CPSF1: variants seen among roughly 807,000 people sequenced by gnomAD.
CPSF1 encodes the protein cleavage and polyadenylation specificity factor subunit 1.
In CPSF1, 106 loss-of-function variants were observed where a neutral mutation model predicts 175.8. The ratio of observed to expected loss-of-function variants is 0.60; its 90% CI spans 0.52 to 0.71. The LOEUF is 0.71. CPSF1 is among the 30% of genes least tolerant of loss of function. The pLI, the probability that CPSF1 is intolerant of heterozygous loss-of-function variation, is 0.00. For missense variants in CPSF1, 1,734 were observed against 2,022.9 expected, an observed-to-expected ratio of 0.86 and a Z score of 2.74; for synonymous variants, 1,024 against 858.3, an observed-to-expected ratio of 1.19 and a Z score of -3.37.
intron 2 of CPSF1, among the ~76,000 whole-genome samples, chr8:144,402,517 C>A (rs2116891812): frequency 6.6e-6 from 1 of 152,144 alleles, no homozygotes; most frequent in East Asian, 1.9e-4. Flanking sequence ...GTTGGCCAGG[C>A]TGGTCTCGAA....
rs1821076401 is a variant in CPSF1 at position 144,400,100 on chromosome 8, G to A, written c.938-15C>T. ...CTCCTGGGTGCCTGTGGGGTGGGTG[G>A]TCAGGCCGACTAGGCAGGCCCAAGC... On this transcript the variant is annotated splice_polypyrimidine_tract_variant and intron_variant, in intron 9 of 37. Transcript: ENST00000616140. 6.2e-7 allele frequency: 1 copy of A among 1,603,894 alleles called. No homozygotes were observed. The highest frequency in any genetic ancestry group is 8.5e-7 in the Non-Finnish European group (1 of 1,177,284).
rs1820425416 is a variant in CPSF1 at position 144,393,266 on chromosome 8, A to G, written c.*52T>C. On this transcript the variant is annotated 3_prime_UTR_variant, in exon 38 of 38. Coordinates refer to ENST00000616140, the MANE Select transcript of CPSF1 (RefSeq NM_013291.3). ...AATGTTTTTCCTTGTGTTTTGTACA[A>G]AAAGGGGGTGGGAGGTAGTTCCGTG... is the stretch of plus-strand genomic sequence containing the variant. 2 of 1,453,372 alleles carry G rather than the reference A, an allele frequency of 1.4e-6. No individual in the cohort carries two copies. Among genetic ancestry groups the G allele is most frequent in the Non-Finnish European group, 1.8e-6 (2 of 1,093,446 alleles). 90.0% of individuals were successfully genotyped at this position (1,453,372 alleles called of 1,614,324 possible). A position where few individuals can be genotyped will look rare whatever the true frequency, so the allele number is the denominator to read the frequency against.
At position 144,396,393 on chromosome 8, in the gene CPSF1, G is replaced by A; in HGVS notation, c.2934C>T (p.Phe978=). 1 of 1,590,284 alleles carries A rather than the reference G, an allele frequency of 6.3e-7. No homozygotes were observed. The highest frequency in any genetic ancestry group is 8.5e-7 in the Non-Finnish European group (1 of 1,171,000). Reference sequence around the variant, plus strand: ...AGCCGCGGGGACAGTTGACATTGTGGAATGGAGCGAAAGAGTCGACCGGGC... The same window carrying A: ...AGCCGCGGGGACAGTTGACATTGTGAAATGGAGCGAAAGAGTCGACCGGGC... ...IDGPVDSFAP[F]HNVNCPRGFL... Residue 978 remains phenylalanine (F), a synonymous_variant, in exon 26 of 38, where the codon TTC becomes TTT. Coordinates refer to ENST00000616140, the MANE Select transcript of CPSF1 (RefSeq NM_013291.3).
intron 19 of CPSF1, 28 bp downstream of exon 19, chr8:144,398,274 C>T: frequency 9.6e-7 from 1 of 1,039,208 alleles, no homozygotes; most frequent in Non-Finnish European, 1.3e-6. Context: ...AGGCAGATGC[C>T]CAGGGCCCAA....
At chr8:144,396,560 C>G (rs1554863819) in intron 25 of CPSF1, 38 bp downstream of exon 25, 2 of 1,608,514 alleles carry the variant, frequency 1.2e-6, no homozygotes, top group East Asian at 2.2e-5. Context: ...GGCCGCGTCT[C>G]CCTTCTACCA....
At chr8:144,402,370 T>C (rs1301095099) in intron 2 of CPSF1, among the ~76,000 whole-genome samples, 4 of 152,162 alleles carry the variant, frequency 2.6e-5, no homozygotes, top group African/African-American at 9.7e-5. Flanking sequence ...TGCAGTGGCG[T>C]GATCTTGGCT....
intron 31 of CPSF1, 26 bp downstream of exon 31, chr8:144,394,618 A>G (rs1554862876): frequency 1.2e-6 from 2 of 1,601,734 alleles, no homozygotes; most frequent in Admixed American, 1.7e-5. Flanking sequence ...GAGCCGGGGG[A>G]CACACGCCGG....
rs2116856541 is a variant in CPSF1 at position 144,398,961 on chromosome 8, C to T, written c.1545G>A (p.Leu515=). Residue 515 remains leucine (L), a synonymous_variant, in exon 16 of 38, where the codon CTG becomes CTA. Transcript: ENST00000616140. Reference sequence around the variant, plus strand: ...CGCCCCCTACCTGCCCACACACCTGCAGCACCGACAAAGCCCCGTTCTTCC... The same window carrying T: ...CGCCCCCTACCTGCCCACACACCTGTAGCACCGACAAAGCCCCGTTCTTCC... ...GHGKNGALSV[L]QKSIRPQVVT... 3 of 1,612,942 alleles carry T rather than the reference C, an allele frequency of 1.9e-6. No individual in the cohort carries two copies. The highest frequency in any genetic ancestry group is 1.3e-5 in the African/African-American group (1 of 75,054).
In CPSF1 at chr8:144,400,934, C is replaced by G. The variant is rs2116879790; in HGVS notation, c.529G>C (p.Val177Leu). 1.2e-6 allele frequency: 2 copies of G among 1,603,502 alleles called. No homozygotes were observed. The highest frequency in any genetic ancestry group is 1.7e-6 in the Non-Finnish European group (2 of 1,174,422). ...ESLAEEHEGL[V>L]GEGQRSSFLP... is the part of the protein sequence containing the mutation. ...TCAGCTGGCACTCACCCCTCACCCA[C>G]GAGCCCCTCGTGCTCCTCAGCCAGG... The change falls in exon 6 of 38, where the codon GTG becomes CTG. Residue 177 changes from valine to leucine, a missense_variant. Physicochemically the swap from Val to Leu is conservative, Grantham distance 32. Coordinates refer to ENST00000616140, the MANE Select transcript of CPSF1 (RefSeq NM_013291.3).
rs1283540998 is a variant in CPSF1 at position 144,400,081 on chromosome 8, G to C, written c.942C>G (p.Thr314=). 1.9e-6 allele frequency: 3 copies of C among 1,610,938 alleles called. No individual in the cohort carries two copies. The highest frequency in any genetic ancestry group is 2.5e-6 in the Non-Finnish European group (3 of 1,179,594). ...CCAGGGTGATCCGCACACCCTCCTG[G>C]GTGCCTGTGGGGTGGGTGGTCAGGC... is the stretch of plus-strand genomic sequence containing the variant. ...TTGTTAFPLR[T]QEGVRITLDC... The change falls in exon 10 of 38, where the codon ACC becomes ACG. Residue 314 remains threonine, a synonymous_variant. Transcript: ENST00000616140.
chr8:144,405,201 C>A (rs1554868720), intron 2 of CPSF1, among the ~76,000 whole-genome samples: 1 of 152,174 alleles, frequency 6.6e-6, no homozygotes, highest in African/African-American at 2.4e-5. Flanking sequence ...ACTACCCAAC[C>A]AAGCATCAAA....
At position 144,399,462 on chromosome 8, in the gene CPSF1, G is replaced by A. The variant is rs2116862877; in HGVS notation, c.1284C>T (p.Ala428=). ...TGGACCGGCCCTCACCTGACCAGCC[G>A]GCCGTCGCATCCACTCGCTTCTTCT... ...PSKKKRVDAT[A]GWSAAGKSVP... is the part of the protein sequence containing the mutation. The change falls in exon 13 of 38, where the codon GCC becomes GCT. Residue 428 remains alanine (A), a synonymous_variant. Coordinates refer to ENST00000616140, the MANE Select transcript of CPSF1 (RefSeq NM_013291.3). The surrounding 1 kb of genome is among the most constrained non-coding windows in gnomAD (Gnocchi z 6.4). The A allele has an allele frequency of 2.5e-5, 40 of 1,612,868 alleles. No homozygotes were observed. Among genetic ancestry groups the A allele is most frequent in the East Asian group, 6.7e-5 (3 of 44,900 alleles).
At position 144,397,774 on chromosome 8, in the gene CPSF1, G is replaced by A. The variant is rs1343505886; in HGVS notation, c.2179C>T (p.Pro727Ser). 1.2e-6 allele frequency: 2 copies of A among 1,609,382 alleles called. No individual in the cohort carries two copies. The highest frequency in any genetic ancestry group is 8.5e-7 in the Non-Finnish European group (1 of 1,178,216). Residue 727 changes from proline (P) to serine (S), a missense_variant, in exon 21 of 38, where the codon CCG becomes TCG. Physicochemically the swap from Pro to Ser is moderately conservative, Grantham distance 74. Coordinates refer to ENST00000616140, the MANE Select transcript of CPSF1 (RefSeq NM_013291.3). ...ARDELGGRSGPEAEGLGSETS... is the reference protein window; with the variant it reads ...ARDELGGRSGSEAEGLGSETS... ...TCTGAGCCCAGGCCCTCGGCCTCCG[G>A]GCCACTGCGGCCCCCGAGCTCGTCA...
intron 9 of CPSF1, 31 bp downstream of exon 9, chr8:144,400,135 G>GGGGGGGGGCCGCCCCC: frequency 1.1e-6 from 1 of 896,012 alleles, no homozygotes; most frequent in Non-Finnish European, 1.6e-6. Flanking sequence ...CCGTCCCCGG[G>GGGGGGGGGCCGCCCCC]CCCCCCCCGC....
chr8:144,396,958 A>T (rs927925652), intron 23 of CPSF1, 29 bp from the exon 24 acceptor site: 1 of 1,538,706 alleles, frequency 6.5e-7, no homozygotes, highest in Non-Finnish European at 9.0e-7. Context: ...CCATGGGGGA[A>T]CGGGCAGGGC....
chr8:144,398,987 C>G lies in CPSF1; in HGVS notation c.1519G>C (p.Gly507Arg). The G allele has an allele frequency of 6.2e-7, 1 of 1,612,452 alleles. No homozygotes were observed. The highest frequency in any genetic ancestry group is 8.5e-7 in the Non-Finnish European group (1 of 1,179,790). The change falls in exon 16 of 38, where the codon GGG (glycine) becomes CGG (arginine). Residue 507 changes from glycine (G) to arginine (R), a missense_variant. Coordinates refer to ENST00000616140, the MANE Select transcript of CPSF1 (RefSeq NM_013291.3). ...AGCACCGACAAAGCCCCGTTCTTCC[C>G]GTGGCCGGAGCAAACCACAATCTCC... ...DLEIVVCSGHGKNGALSVLQK... is the reference protein window; with the variant it reads ...DLEIVVCSGHRKNGALSVLQK...
At position 144,399,208 on chromosome 8, in the gene CPSF1, G is replaced by C; in HGVS notation, c.1393-6C>G. On this transcript the variant is annotated splice_region_variant and splice_polypyrimidine_tract_variant and intron_variant, in intron 14 of 37. Transcript: ENST00000616140. The surrounding 1 kb of genome is among the most constrained non-coding windows in gnomAD (Gnocchi z 6.4). ...TTCAGGATGCTGTCACACACCTGCG[G>C]CACAGCAAGAGTCAGGGGCCCGCTG... is the stretch of plus-strand genomic sequence containing the variant. 5 of 1,610,614 alleles carry C rather than the reference G, an allele frequency of 3.1e-6. No homozygotes were observed. Among genetic ancestry groups the C allele is most frequent in the Non-Finnish European group, 4.2e-6 (5 of 1,179,094 alleles).
At position 144,399,381 on chromosome 8, in the gene CPSF1, C is replaced by G. The variant is rs199793311; in HGVS notation, c.1295-8G>C. The G allele has an allele frequency of 1.2e-6, 2 of 1,612,814 alleles. No homozygotes were observed. Among genetic ancestry groups the G allele is most frequent in the Non-Finnish European group, 1.7e-6 (2 of 1,179,968 alleles). On this transcript the variant is annotated splice_polypyrimidine_tract_variant and splice_region_variant and intron_variant, in intron 13 of 37. Coordinates refer to ENST00000616140, the MANE Select transcript of CPSF1 (RefSeq NM_013291.3). This position sits in a 1 kb window ranked among gnomAD's most constrained non-coding sequence, Gnocchi z 6.4. Reference sequence around the variant, plus strand: ...GCACCGACTTACCCGCAGCTGCACACAGAGAGCCCACTTGAGCGCAGCCCT... The same window carrying G: ...GCACCGACTTACCCGCAGCTGCACAGAGAGAGCCCACTTGAGCGCAGCCCT...
chr8:144,399,916 T>C lies in CPSF1; in HGVS notation c.1032-48A>G, dbSNP rs2116867919. 1 of 1,486,376 alleles carries C rather than the reference T, an allele frequency of 6.7e-7. No homozygotes were observed. The highest frequency in any genetic ancestry group is 8.9e-7 in the Non-Finnish European group (1 of 1,119,094). 92.1% of individuals were successfully genotyped at this position (1,486,376 alleles called of 1,614,324 possible). A position where few individuals can be genotyped will look rare whatever the true frequency, so the allele number is the denominator to read the frequency against. Reference sequence around the variant, plus strand: ...GTCGGGGATGGGGACCCTGGGGGAGTGAAGGGGGCCAGGGGACCCTACAGG... The same window carrying C: ...GTCGGGGATGGGGACCCTGGGGGAGCGAAGGGGGCCAGGGGACCCTACAGG... On this transcript the variant is annotated intron_variant, in intron 10 of 37. Coordinates refer to ENST00000616140, the MANE Select transcript of CPSF1 (RefSeq NM_013291.3). This position sits in a 1 kb window ranked among gnomAD's most constrained non-coding sequence, Gnocchi z 6.4.
Sources: gnomAD v4.1 joint callset for allele counts (sites outside exome capture counted in the v4.1 genomes callset) on GRCh38, gnomAD v4.1.1 for gene constraint, Gnocchi (gnomAD v3.1) non-coding constraint, MANE v1.5 for transcripts, NCBI Gene and HGNC (gene_info 2026-07-23, HGNC 2026-07-21) for gene names.